Variants in DIO1 observed in about 807,000 individuals in gnomAD.
DIO1 encodes iodothyronine deiodinase 1.
Under a neutral mutation model 25.9 loss-of-function variants are expected in DIO1, and 17 were observed. That is an observed-to-expected ratio of 0.66 (90% CI 0.45 to 0.98). The LOEUF is 0.98. DIO1 is among the 50% of genes least tolerant of loss of function. DIO1 has a pLI of 0.00. For missense variants in DIO1, 270 were observed against 310.4 expected (o/e 0.87, Z 0.98); for synonymous variants, 115 against 114.0 (o/e 1.01, Z -0.05).
chr1:53,904,999 C>A lies in DIO1; in HGVS notation c.481+190C>A. ...CTAACCTCACAGTCTGTGCTTTCAA[C>A]CAGGGTACAGAGAGCAGAACACCTG... On this transcript the variant is annotated intron_variant, in intron 2 of 3. Coordinates refer to ENST00000361921, the MANE Select transcript of DIO1 (RefSeq NM_000792.7). The A allele has an allele frequency of 5.4e-6, 3 of 559,514 alleles. No homozygotes were observed. The South Asian group carries it at 7.9e-5, about 15-fold the overall frequency. 34.7% of individuals were successfully genotyped at this position (559,514 alleles called of 1,614,324 possible). A position where few individuals can be genotyped will look rare whatever the true frequency, so the allele number is the denominator to read the frequency against.
In DIO1 at chr1:53,894,403, T is replaced by C. The variant is rs1208564026; in HGVS notation, c.193T>C (p.Phe65Leu). 6.2e-7 allele frequency: 1 copy of C among 1,614,160 alleles called. No homozygotes were observed. The highest frequency in any genetic ancestry group is 1.7e-5 in the Admixed American group (1 of 60,026). ...CAGCCACGACAACTGGATACCAACC[T>C]TTTTCAGCACCCAGTATTTCTGGTT... The part of the protein sequence containing the change: ...HFSHDNWIPT[F>L]FSTQYFWFVL... The change falls in exon 1 of 4, where the codon TTT (phenylalanine) becomes CTT (leucine). Residue 65 changes from phenylalanine to leucine, a missense_variant. Phe to Leu is a conservative substitution (Grantham distance 22). Coordinates refer to ENST00000361921, the MANE Select transcript of DIO1 (RefSeq NM_000792.7). This position sits in a 1 kb window ranked among gnomAD's most constrained non-coding sequence, Gnocchi z 4.9.
At position 53,910,084 on chromosome 1, in the gene DIO1, CT is replaced by C; in HGVS notation, c.*87del. The C allele has an allele frequency of 8.3e-7, 1 of 1,199,650 alleles. No homozygotes were observed. The highest frequency in any genetic ancestry group is 1.2e-5 in the South Asian group (1 of 82,292). The allele number at this position is 1,199,650 out of a possible 1,614,324, so 74.3% of individuals were successfully genotyped here. A position where few individuals can be genotyped will look rare whatever the true frequency, so the allele number is the denominator to read the frequency against. Reference sequence around the variant, plus strand: ...CCCTGAGACCCAGCTGGCTTTTACCCTTGACCTGTGTCCCTAGCTGAATCAC... The same window carrying C: ...CCCTGAGACCCAGCTGGCTTTTACCCTGACCTGTGTCCCTAGCTGAATCAC... On this transcript the variant is annotated 3_prime_UTR_variant, in exon 4 of 4. Transcript: ENST00000361921.
At position 53,899,959 on chromosome 1, in the gene DIO1, A is replaced by G. The variant is rs75561292; in HGVS notation, c.338-4707A>G. On this transcript the variant is annotated intron_variant, in intron 1 of 3. Transcript: ENST00000361921. ...GCCAGTGACCAGCCACTTGGCCACAATTGACCTCTGAGCTGCCCTCCTGAA... is the reference window on the plus strand; with the variant it reads ...GCCAGTGACCAGCCACTTGGCCACAGTTGACCTCTGAGCTGCCCTCCTGAA... Among the ~76,000 whole-genome samples, 11 of 152,224 alleles carry G rather than the reference A, an allele frequency of 7.2e-5. No homozygotes were observed. In the East Asian group the frequency reaches 1.5e-3, roughly 21 times the overall value.
intron 1 of DIO1, among the ~76,000 whole-genome samples, chr1:53,895,026 C>G (rs1650999399): frequency 6.6e-6 from 1 of 152,210 alleles, no homozygotes; most frequent in Admixed American, 6.6e-5. Flanking sequence ...ATGTCTGCTT[C>G]CCTCACTAGT....
At chr1:53,898,669 C>T (rs750798203) in intron 1 of DIO1, among the ~76,000 whole-genome samples, 12 of 145,952 alleles carry the variant, frequency 8.2e-5, no homozygotes, top group East Asian at 6.4e-4. Flanking sequence ...TGCTTGAACC[C>T]GGGAGGTGGA....
intron 1 of DIO1, among the ~76,000 whole-genome samples, chr1:53,896,226 T>G: frequency 7.1e-6 from 1 of 141,070 alleles, no homozygotes; most frequent in Admixed American, 7.1e-5. Flanking sequence ...TTTTTTTTTT[T>G]TTTTTTTTTG....
chr1:53,910,324 G>GA lies in DIO1; in HGVS notation c.*326dup. The GA allele has an allele frequency of 3.1e-6, 1 of 324,048 alleles. No homozygotes were observed. The highest frequency in any genetic ancestry group is 5.9e-6 in the Non-Finnish European group (1 of 168,526). The allele number at this position is 324,048 out of a possible 1,614,324, so 20.1% of individuals were successfully genotyped here. A position where few individuals can be genotyped will look rare whatever the true frequency, so the allele number is the denominator to read the frequency against. On this transcript the variant is annotated 3_prime_UTR_variant, in exon 4 of 4. Coordinates refer to ENST00000361921, the MANE Select transcript of DIO1 (RefSeq NM_000792.7). ...CACATTCCCTGCACACGGTCTTTGA[G>GA]AGAGCAGTTGCACTCTACAGGCACA... is the stretch of plus-strand genomic sequence containing the variant.
chr1:53,898,520 G>A (rs904654944), intron 1 of DIO1, among the ~76,000 whole-genome samples: 1 of 152,076 alleles, frequency 6.6e-6, no homozygotes, highest in Non-Finnish European at 1.5e-5. Context: ...CGAGGCCAGC[G>A]GGTCACTTGA....
At chr1:53,900,155 A>G (rs1368896597) in intron 1 of DIO1, among the ~76,000 whole-genome samples, 3 of 152,248 alleles carry the variant, frequency 2.0e-5, no homozygotes, top group Non-Finnish European at 4.4e-5. Flanking sequence ...TATGCTAAAA[A>G]TTGAGAATAT....
In DIO1 at chr1:53,911,057, A is replaced by G. The variant is rs12095080; in HGVS notation, c.*1058A>G. The G allele has an allele frequency of 0.11, 17,217 of 152,748 alleles. 1,144 individuals are homozygous for G. Among genetic ancestry groups the G allele is most frequent in the African/African-American group, 0.18 (7,387 of 41,556 alleles). The allele number at this position is 152,748 out of a possible 1,614,324, so 9.5% of individuals were successfully genotyped here. On this transcript the variant is annotated 3_prime_UTR_variant, in exon 4 of 4. Coordinates refer to ENST00000361921, the MANE Select transcript of DIO1 (RefSeq NM_000792.7). ...AAATGTTATAAGATGCAGTAAACTAATAACAGAATTATTAAAATATATCAG... is the reference window on the plus strand; with the variant it reads ...AAATGTTATAAGATGCAGTAAACTAGTAACAGAATTATTAAAATATATCAG...
intron 3 of DIO1, among the ~76,000 whole-genome samples, chr1:53,907,203 T>G (rs1275552134): frequency 6.6e-6 from 1 of 152,182 alleles, no homozygotes; most frequent in Non-Finnish European, 1.5e-5. Context: ...CATTTCAGGC[T>G]CCCTTTCTTG....
At chr1:53,898,421 A>C (rs12749848) in intron 1 of DIO1, among the ~76,000 whole-genome samples, 90,946 of 151,722 alleles carry the variant, frequency 0.6, 27,916 homozygotes, top group East Asian at 0.84. Context: ...GGTTTCCAAG[A>C]GAGAAGTAAA....
In DIO1 at chr1:53,904,661, T is replaced by G; in HGVS notation, c.338-5T>G. 6.2e-7 allele frequency: 1 copy of G among 1,611,864 alleles called. No homozygotes were observed. ...CTCAGTTTGTGATGGTTGTTGCTGT[T>G]TCAGGTAATAGGCCACTGGTGCTGA... On this transcript the variant is annotated splice_region_variant and splice_polypyrimidine_tract_variant and intron_variant, in intron 1 of 3. Coordinates refer to ENST00000361921, the MANE Select transcript of DIO1 (RefSeq NM_000792.7).
In DIO1 at chr1:53,894,330, C is replaced by G; in HGVS notation, c.120C>G (p.Asn40Lys). 4 of 1,614,232 alleles carry G rather than the reference C, an allele frequency of 2.5e-6. No individual in the cohort carries two copies. The highest frequency in any genetic ancestry group is 2.5e-6 in the Non-Finnish European group (3 of 1,180,042). ...LILFPDRVKR[N>K]ILAMGEKTGM... ...TGTTTCCAGACAGAGTCAAGCGGAA[C>G]ATCCTGGCCATGGGCGAGAAGACGG... is the stretch of plus-strand genomic sequence containing the variant. The change falls in exon 1 of 4, where the codon AAC becomes AAG. Residue 40 changes from asparagine (N) to lysine (K), a missense_variant. Physicochemically the swap from Asn to Lys is moderately conservative, Grantham distance 94. Transcript: ENST00000361921. This position sits in a 1 kb window ranked among gnomAD's most constrained non-coding sequence, Gnocchi z 4.9.
rs200636744 is a variant in DIO1 at position 53,894,534 on chromosome 1, G to A, written c.324G>A (p.Trp108Ter). Residue 108 changes from tryptophan (W) to a stop codon, truncating the protein, a stop_gained, in exon 1 of 4, where the codon TGG becomes TGA. Coordinates refer to ENST00000361921, the MANE Select transcript of DIO1 (RefSeq NM_000792.7). LOFTEE classifies it high-confidence loss of function. This position sits in a 1 kb window ranked among gnomAD's most constrained non-coding sequence, Gnocchi z 4.9. ...VRLSGQRCNI[W>*]EFMQGNRPLV... Reference sequence around the variant, plus strand: ...TCTCAGGACAGAGGTGCAACATTTGGGAGTTTATGCAAGGTCAGGAGGCTG... The same window carrying A: ...TCTCAGGACAGAGGTGCAACATTTGAGAGTTTATGCAAGGTCAGGAGGCTG... 2.5e-4 allele frequency: 399 copies of A among 1,613,530 alleles called. No individual in the cohort carries two copies. The highest frequency in any genetic ancestry group is 3.2e-4 in the Non-Finnish European group (376 of 1,179,746).
intron 2 of DIO1, among the ~76,000 whole-genome samples, chr1:53,905,272 T>C (rs1278847337): frequency 6.6e-6 from 1 of 150,382 alleles, no homozygotes; most frequent in East Asian, 1.9e-4. Flanking sequence ...CCTCCTGGGC[T>C]AAATCGATCC....
intron 1 of DIO1, among the ~76,000 whole-genome samples, chr1:53,895,486 G>GT (rs1464006790): frequency 6.6e-6 from 1 of 152,178 alleles, no homozygotes; most frequent in Non-Finnish European, 1.5e-5. Flanking sequence ...AGGAAAACCA[G>GT]TTTCGTCGAC....
At chr1:53,897,202 C>T (rs1488782443) in intron 1 of DIO1, among the ~76,000 whole-genome samples, 2 of 152,126 alleles carry the variant, frequency 1.3e-5, no homozygotes, top group Admixed American at 6.6e-5. Context: ...TGGTCTGAGC[C>T]CCGTGGCTCA....
chr1:53,897,681 G>C (rs1389159282), intron 1 of DIO1, among the ~76,000 whole-genome samples: 1 of 151,814 alleles, frequency 6.6e-6, no homozygotes, highest in African/African-American at 2.4e-5. Flanking sequence ...GTGGAACCCT[G>C]TCTCTACAAA....
Sources: gnomAD v4.1 joint callset for allele counts (sites outside exome capture counted in the v4.1 genomes callset) on GRCh38, gnomAD v4.1.1 for gene constraint, Gnocchi (gnomAD v3.1) non-coding constraint, MANE v1.5 for transcripts, NCBI Gene and HGNC (gene_info 2026-07-23, HGNC 2026-07-21) for gene names.